FANCC: variants seen among roughly 807,000 people sequenced by gnomAD.
FANCC encodes FA complementation group C, also known as Fanconi anemia group C protein.
A neutral mutation model predicts 71.3 loss-of-function variants in FANCC; 55 were observed. That is an observed-to-expected ratio of 0.77 (90% CI 0.62 to 0.97). The LOEUF (loss-of-function observed/expected upper bound fraction) is 0.97, where lower values mean the gene tolerates loss of function less well. FANCC is among the 50% of genes least tolerant of loss of function. FANCC has a pLI of 0.00. For synonymous variants in FANCC, 275 were observed against 244.9 expected (o/e 1.12, Z -1.15); for missense variants, 678 against 670.9 (o/e 1.01, Z -0.12).
chr9:95,117,936 G>A (rs2072559966), intron 10 of FANCC, among the ~76,000 whole-genome samples: 1 of 152,140 alleles, frequency 6.6e-6, no homozygotes. Context: ...TGGTCAGGCT[G>A]GTCTCGAACT....
At chr9:95,242,659 A>G (rs1396926276) in intron 3 of FANCC, among the ~76,000 whole-genome samples, 1 of 152,070 alleles carries the variant, frequency 6.6e-6, no homozygotes, top group African/African-American at 2.4e-5. Flanking sequence ...GAGAAAAATA[A>G]AAAAAGAGAA....
chr9:95,291,128 G>A (rs191200669), intron 1 of FANCC, among the ~76,000 whole-genome samples: 2 of 152,068 alleles, frequency 1.3e-5, no homozygotes, highest in Admixed American at 6.6e-5. Flanking sequence ...ATACCGACTG[G>A]GGAAAAGTTA....
chr9:95,154,707 C>T (rs1830361695), intron 6 of FANCC, among the ~76,000 whole-genome samples: 1 of 152,170 alleles, frequency 6.6e-6, no homozygotes. Context: ...GGCGTGCTTG[C>T]TCCAGCGGGG....
rs567652050 is a variant in FANCC, at chr9:95,195,975, C to A, written c.346-23828G>T. ...ATCTTGTATCCTGCAGCTCTGCTGA[C>A]CTGATTTATCAATTCTAACAATTGA... On this transcript the variant is annotated intron_variant, in intron 4 of 14. Coordinates refer to ENST00000289081, the MANE Select transcript of FANCC (RefSeq NM_000136.3). Among the ~76,000 whole-genome samples, 6 of 152,082 alleles carry A rather than the reference C, an allele frequency of 3.9e-5. No individual in the cohort carries two copies. In the South Asian group the frequency reaches 1.2e-3, roughly 32 times the overall value.
At chr9:95,198,007 T>C (rs1827565982) in intron 4 of FANCC, among the ~76,000 whole-genome samples, 1 of 151,988 alleles carries the variant, frequency 6.6e-6, no homozygotes, top group African/African-American at 2.4e-5. Flanking sequence ...AGGTCTACAA[T>C]CAAGAATATA....
intron 4 of FANCC, among the ~76,000 whole-genome samples, chr9:95,219,612 G>A (rs897606615): frequency 6.6e-6 from 1 of 152,118 alleles, no homozygotes; most frequent in Non-Finnish European, 1.5e-5. Context: ...ACAAGAAATG[G>A]GGAAAGGATT....
chr9:95,278,131 T>C (rs1414103356), intron 1 of FANCC, among the ~76,000 whole-genome samples: 2 of 152,246 alleles, frequency 1.3e-5, no homozygotes, highest in Non-Finnish European at 2.9e-5. Flanking sequence ...ACAGCCAAGC[T>C]GTATTGGGCT....
intron 1 of FANCC, among the ~76,000 whole-genome samples, chr9:95,270,172 C>T (rs1036205245): frequency 6.6e-6 from 1 of 152,004 alleles, no homozygotes; most frequent in Admixed American, 6.6e-5. Context: ...TGATCTCTCT[C>T]GCTTTTCCCC....
At chr9:95,197,302 C>T (rs552027110) in intron 4 of FANCC, among the ~76,000 whole-genome samples, 16 of 152,166 alleles carry the variant, frequency 1.1e-4, no homozygotes, top group East Asian at 1.9e-4. Context: ...CTTGAGAGGC[C>T]GAGGTAGGAG....
At chr9:95,269,428 A>G (rs903021269) in intron 1 of FANCC, among the ~76,000 whole-genome samples, 6 of 152,262 alleles carry the variant, frequency 3.9e-5, no homozygotes, top group Non-Finnish European at 8.8e-5. Flanking sequence ...AGATGAGCAC[A>G]GAGGTTCTAA....
intron 13 of FANCC, 120 bp from the exon 14 acceptor site, chr9:95,107,389 A>C: frequency 9.2e-7 from 1 of 1,089,682 alleles, no homozygotes. Context: ...CCCCTGAGAG[A>C]GGGAGCTAGG....
At chr9:95,119,403 G>A (rs1336168937) in intron 10 of FANCC, among the ~76,000 whole-genome samples, 1 of 139,382 alleles carries the variant, frequency 7.2e-6, no homozygotes, top group Non-Finnish European at 1.5e-5. Flanking sequence ...GTCTTGCTCT[G>A]TTGCCAAGCT....
chr9:95,292,087 G>A (rs1834055671), intron 1 of FANCC, among the ~76,000 whole-genome samples: 2 of 147,966 alleles, frequency 1.4e-5, no homozygotes, highest in South Asian at 4.2e-4. Context: ...CAAAGCTATA[G>A]TAAGCAAAAC....
intron 14 of FANCC, among the ~76,000 whole-genome samples, chr9:95,102,784 T>C (rs773084504): frequency 2.6e-5 from 4 of 152,214 alleles, no homozygotes; most frequent in Non-Finnish European, 4.4e-5. Flanking sequence ...GAGCCTCTTG[T>C]CGCATGCGCA....
At chr9:95,103,416 G>A (rs188166683) in intron 14 of FANCC, among the ~76,000 whole-genome samples, 14 of 152,298 alleles carry the variant, frequency 9.2e-5, no homozygotes, top group Admixed American at 1.3e-4. Context: ...TCTGCATCTC[G>A]GAATCTAGCT....
chr9:95,102,115 T>A (rs1438166817), intron 14 of FANCC, among the ~76,000 whole-genome samples: 2 of 152,158 alleles, frequency 1.3e-5, no homozygotes, highest in African/African-American at 4.8e-5. Context: ...CTTAGACTCA[T>A]AAAGGCCACA....
chr9:95,274,158 A>G (rs910906120), intron 1 of FANCC, among the ~76,000 whole-genome samples: 3 of 152,054 alleles, frequency 2.0e-5, no homozygotes, highest in African/African-American at 7.2e-5. Flanking sequence ...ATTTCTTCTA[A>G]TGATGTCCCT....
chr9:95,309,499 A>G (rs1353388693), intron 1 of FANCC, among the ~76,000 whole-genome samples: 3 of 152,232 alleles, frequency 2.0e-5, no homozygotes, highest in African/African-American at 7.2e-5. Flanking sequence ...TCCATGTTGG[A>G]CAAGGTCATG....
chr9:95,147,440 C>T (rs368201004), intron 7 of FANCC, among the ~76,000 whole-genome samples: 2 of 152,128 alleles, frequency 1.3e-5, no homozygotes, highest in East Asian at 1.9e-4. Context: ...CACTTGAACC[C>T]GGAAGGCAGA....
Sources: allele counts gnomAD v4.1 joint callset (sites outside exome capture counted in the v4.1 genomes callset), GRCh38; gene constraint gnomAD v4.1.1; transcripts MANE v1.5; gene names NCBI Gene and HGNC (gene_info 2026-07-23, HGNC 2026-07-21).